MMP26: variants seen among roughly 807,000 people sequenced by gnomAD.
MMP26 encodes matrix metallopeptidase 26.
A neutral mutation model predicts 31.0 loss-of-function variants in MMP26; 33 were observed. The ratio of observed to expected loss-of-function variants is 1.06; its 90% CI spans 0.81 to 1.42. The LOEUF (loss-of-function observed/expected upper bound fraction) is 1.42. MMP26 is among the 40% of genes most tolerant of loss of function. The pLI is 0.00. For synonymous variants in MMP26, 122 were observed against 114.9 expected, an observed-to-expected ratio of 1.06 and a Z score of -0.40; for missense variants, 347 against 316.1, an observed-to-expected ratio of 1.10 and a Z score of -0.74.
chr11:4,828,196 C>A (rs1589913489), intron 2 of MMP26, among the ~76,000 whole-genome samples: 1 of 152,094 alleles, frequency 6.6e-6, no homozygotes, highest in Non-Finnish European at 1.5e-5. Flanking sequence ...CAGTGCTCCT[C>A]GTTTTTTGAA....
In MMP26 at chr11:4,816,697, C is replaced by CTT. The variant is rs747753151; in HGVS notation, c.-145+49379_-145+49380dup. 5.4e-3 allele frequency among the ~76,000 whole-genome samples: 426 copies of CTT among 79,388 alleles called. 24 individuals are homozygous for CTT. Among genetic ancestry groups the CTT allele is most frequent in the African/African-American group, 0.014 (254 of 18,288 alleles). 52.1% of individuals were successfully genotyped at this position (79,388 alleles called of 152,430 possible). ...TTTTCTTTTGATGAATGGGTGCCTT[C>CTT]TTTTTTTTTTTTTTTTTTTTTTTTG... On this transcript the variant is annotated intron_variant, in intron 2 of 7. Coordinates refer to ENST00000380390, the MANE Select transcript of MMP26 (RefSeq NM_021801.5).
chr11:4,804,059 G>A (rs866937276), intron 2 of MMP26: 1 of 1,614,044 alleles, frequency 6.2e-7, no homozygotes, highest in Middle Eastern at 1.6e-4. Context: ...GAAAAGGCAT[G>A]GATGAAGAAC....
At chr11:4,940,917 A>G (rs1846197080) in intron 2 of MMP26, among the ~76,000 whole-genome samples, 1 of 152,160 alleles carries the variant, frequency 6.6e-6, no homozygotes, top group Admixed American at 6.5e-5. Context: ...AGTGCATACT[A>G]ATTTCCCTCC....
intron 1 of MMP26, among the ~76,000 whole-genome samples, chr11:4,748,152 C>G (rs1848403515): frequency 6.6e-6 from 1 of 151,916 alleles, no homozygotes; most frequent in South Asian, 2.1e-4. Context: ...AAGATCATCA[C>G]AAACTACTAT....
At chr11:4,952,399 A>G (rs1846383229) in intron 2 of MMP26, among the ~76,000 whole-genome samples, 1 of 124,854 alleles carries the variant, frequency 8.0e-6, no homozygotes, top group South Asian at 2.4e-4. Context: ...GTTTCTTTCA[A>G]TTAATAAAGC....
chr11:4,806,116 T>C (rs1424310826), intron 2 of MMP26, among the ~76,000 whole-genome samples: 2 of 152,180 alleles, frequency 1.3e-5, no homozygotes, highest in Admixed American at 6.5e-5. Context: ...TTCTCTTACA[T>C]TTGCTGAGGA....
intron 1 of MMP26, among the ~76,000 whole-genome samples, chr11:4,743,639 A>G (rs947616272): frequency 6.6e-6 from 1 of 152,214 alleles, no homozygotes. Flanking sequence ...CCTATTAATG[A>G]TAAATCACTG....
intron 1 of MMP26, among the ~76,000 whole-genome samples, chr11:4,737,254 TC>T (rs1848253194): frequency 6.6e-6 from 1 of 152,238 alleles, no homozygotes; most frequent in Admixed American, 6.5e-5. Flanking sequence ...CCTTTCTACT[TC>T]CCAGTTTTGA....
chr11:4,815,919 G>A (rs978547982), intron 2 of MMP26, among the ~76,000 whole-genome samples: 17 of 152,190 alleles, frequency 1.1e-4, no homozygotes, highest in African/African-American at 3.9e-4. Context: ...GGATATTTAC[G>A]TGTTCACTCA....
intron 2 of MMP26, among the ~76,000 whole-genome samples, chr11:4,894,545 C>T (rs1309950125): frequency 6.6e-6 from 1 of 152,056 alleles, no homozygotes; most frequent in Admixed American, 6.6e-5. Context: ...CTATAGAGTC[C>T]CATCCAGAGC....
chr11:4,792,902 TTA>T (rs753863953), intron 2 of MMP26, among the ~76,000 whole-genome samples: 2 of 152,218 alleles, frequency 1.3e-5, no homozygotes, highest in Non-Finnish European at 2.9e-5. Context: ...GATAGTTATT[TTA>T]TATGTTTTAT....
chr11:4,918,307 G>A (rs1314260793), intron 2 of MMP26, among the ~76,000 whole-genome samples: 1 of 152,076 alleles, frequency 6.6e-6, no homozygotes, highest in South Asian at 2.1e-4. Flanking sequence ...TGAAACGGGT[G>A]GAGGTTAAAT....
intron 3 of MMP26, 69 bp from the exon 4 acceptor site, chr11:4,989,579 G>T: frequency 7.8e-7 from 1 of 1,288,650 alleles, no homozygotes; most frequent in Admixed American, 2.0e-5. Context: ...AGAAGGCTAT[G>T]CCCAGGGTAA....
rs1007738866 is a variant in MMP26, at chr11:4,806,558, G to T, written c.-145+39217G>T. ...TAGGATTGCAATCTCTGCCTTTTTT[G>T]GTTTTCCATTTGCTTGGTAAATCTT... On this transcript the variant is annotated intron_variant, in intron 2 of 7. Transcript: ENST00000380390. Among the ~76,000 whole-genome samples, 62 of 151,616 alleles carry T rather than the reference G, an allele frequency of 4.1e-4. 1 individual carries two copies. The highest frequency in any genetic ancestry group is 1.5e-3 in the African/African-American group (60 of 41,250).
At chr11:4,880,005 C>T (rs1850435968) in intron 2 of MMP26, among the ~76,000 whole-genome samples, 2 of 152,126 alleles carry the variant, frequency 1.3e-5, no homozygotes. Context: ...ATATCTATTA[C>T]TGTCTGCCTC....
At chr11:4,840,130 G>A (rs1029376572) in intron 2 of MMP26, among the ~76,000 whole-genome samples, 6 of 152,164 alleles carry the variant, frequency 3.9e-5, no homozygotes, top group African/African-American at 1.4e-4. Flanking sequence ...TCTGTATCTT[G>A]TGATGTGAGT....
chr11:4,825,845 G>T (rs1481497999), intron 2 of MMP26, among the ~76,000 whole-genome samples: 1 of 152,138 alleles, frequency 6.6e-6, no homozygotes, highest in Non-Finnish European at 1.5e-5. Context: ...GAAAGAATAA[G>T]ATGATAGAAA....
chr11:4,807,704 A>G (rs1849291864), intron 2 of MMP26, among the ~76,000 whole-genome samples: 1 of 152,210 alleles, frequency 6.6e-6, no homozygotes, highest in Non-Finnish European at 1.5e-5. Context: ...CCAACGTGGC[A>G]CATGTATACA....
At chr11:4,932,892 T>C (rs1240493699) in intron 2 of MMP26, among the ~76,000 whole-genome samples, 2 of 152,156 alleles carry the variant, frequency 1.3e-5, no homozygotes, top group Non-Finnish European at 2.9e-5. Context: ...CTTTGTTAAG[T>C]ATATTTATTC....
Sources: allele counts gnomAD v4.1 joint callset (sites outside exome capture counted in the v4.1 genomes callset), GRCh38; gene constraint gnomAD v4.1.1; transcripts MANE v1.5; gene names NCBI Gene and HGNC (gene_info 2026-07-23, HGNC 2026-07-21).